ANKS1B: variants seen among roughly 807,000 people sequenced by gnomAD.
ANKS1B encodes the protein ankyrin repeat and sterile alpha motif domain containing 1B, also known as ankyrin repeat and sterile alpha motif domain-containing protein 1B.
Under a neutral mutation model 148.3 loss-of-function variants are expected in ANKS1B, and 36 were observed. The observed-to-expected ratio is 0.24, with a 90% CI of 0.19 to 0.32. The LOEUF (loss-of-function observed/expected upper bound fraction) is 0.32, where lower values mean the gene tolerates loss of function less well. Among genes scored for constraint, ANKS1B ranks in the 10% least tolerant of loss-of-function variants. The probability of loss-of-function intolerance (pLI) is 1.00; values close to 1 mark genes in which losing one functional copy is unlikely to be tolerated. For synonymous variants in ANKS1B, 542 were observed against 560.8 expected (o/e 0.97, Z 0.47); for missense variants, 1,157 against 1,542.6 (o/e 0.75, Z 4.19).
intron 12 of ANKS1B, among the ~76,000 whole-genome samples, chr12:99,276,715 T>TA (rs1290399074): frequency 1.3e-5 from 2 of 152,178 alleles, no homozygotes; most frequent in African/African-American, 4.8e-5. Flanking sequence ...GTAAGGATAA[T>TA]AAAACCTTCT....
intron 8 of ANKS1B, among the ~76,000 whole-genome samples, chr12:99,657,391 A>G (rs1259486335): frequency 1.3e-5 from 2 of 152,168 alleles, no homozygotes; most frequent in Non-Finnish European, 2.9e-5. Flanking sequence ...ACTGATGTAA[A>G]TAATTGCAGT....
chr12:99,312,445 T>C (rs760201043), intron 12 of ANKS1B, among the ~76,000 whole-genome samples: 1 of 152,182 alleles, frequency 6.6e-6, no homozygotes, highest in Non-Finnish European at 1.5e-5. Flanking sequence ...AAACAGTCTC[T>C]TTTTAGAAGA....
At chr12:99,124,866 T>C (rs2063862424) in intron 15 of ANKS1B, among the ~76,000 whole-genome samples, 3 of 152,170 alleles carry the variant, frequency 2.0e-5, no homozygotes, top group Non-Finnish European at 4.4e-5. Flanking sequence ...TGATAGGTCA[T>C]ATAAAATGAG....
chr12:99,101,807 C>T (rs1374568964), intron 15 of ANKS1B, among the ~76,000 whole-genome samples: 2 of 152,158 alleles, frequency 1.3e-5, no homozygotes, highest in South Asian at 4.1e-4. Context: ...GGTGATCCAC[C>T]CACCTCAGCC....
intron 17 of ANKS1B, among the ~76,000 whole-genome samples, chr12:99,048,551 T>C (rs2099963916): frequency 6.6e-6 from 1 of 152,196 alleles, no homozygotes; most frequent in South Asian, 2.1e-4. Context: ...ATTAAATGCA[T>C]TTTATTTGTA....
intron 16 of ANKS1B, among the ~76,000 whole-genome samples, chr12:99,064,012 C>T (rs930380927): frequency 7.2e-5 from 11 of 152,204 alleles, no homozygotes; most frequent in Non-Finnish European, 8.8e-5. Flanking sequence ...GATGTCACTA[C>T]GAACTCACAG....
At chr12:98,940,303 C>A (rs577083285) in intron 17 of ANKS1B, among the ~76,000 whole-genome samples, 3 of 152,134 alleles carry the variant, frequency 2.0e-5, no homozygotes, top group African/African-American at 7.2e-5. Context: ...GGGAGCCTGA[C>A]CTTGGGTCAC....
chr12:99,660,728 C>T (rs949758464), intron 8 of ANKS1B, among the ~76,000 whole-genome samples: 1 of 152,032 alleles, frequency 6.6e-6, no homozygotes, highest in Non-Finnish European at 1.5e-5. Context: ...AATGTTTTTT[C>T]ATATGAGAAT....
At chr12:99,975,730 A>G (rs1189666248) in intron 1 of ANKS1B, among the ~76,000 whole-genome samples, 1 of 152,192 alleles carries the variant, frequency 6.6e-6, no homozygotes, top group African/African-American at 2.4e-5. Flanking sequence ...TTTGTCAGAT[A>G]CACAGATTGC....
intron 14 of ANKS1B, among the ~76,000 whole-genome samples, chr12:99,172,031 A>G (rs1452862108): frequency 6.6e-6 from 1 of 152,202 alleles, no homozygotes; most frequent in African/African-American, 2.4e-5. Flanking sequence ...GCTTGGATAG[A>G]GAGCTTATAG....
intron 14 of ANKS1B, among the ~76,000 whole-genome samples, chr12:99,180,626 GTTTTTTT>G (rs11415606): frequency 7.9e-6 from 1 of 126,042 alleles, no homozygotes; most frequent in Non-Finnish European, 1.7e-5. Flanking sequence ...GAGGGAAAGG[GTTTTTTT>G]TTTTTTTTTT....
chr12:99,379,031 G>C (rs1404333204), intron 12 of ANKS1B, among the ~76,000 whole-genome samples: 1 of 152,144 alleles, frequency 6.6e-6, no homozygotes. Context: ...TGGATATGTG[G>C]GAGGCACCAA....
intron 9 of ANKS1B, among the ~76,000 whole-genome samples, chr12:99,608,875 G>C (rs775165486): frequency 2.1e-4 from 32 of 152,018 alleles, no homozygotes; most frequent in Non-Finnish European, 4.1e-4. Flanking sequence ...ATGGAGGAGG[G>C]AAGGAGTTGA....
At chr12:99,834,799 T>C (rs1310831567) in intron 1 of ANKS1B, among the ~76,000 whole-genome samples, 1 of 152,176 alleles carries the variant, frequency 6.6e-6, no homozygotes, top group Non-Finnish European at 1.5e-5. Context: ...ATCTGACCCC[T>C]GACACATGAG....
intron 9 of ANKS1B, among the ~76,000 whole-genome samples, chr12:99,566,990 C>A (rs146929103): frequency 8.0e-4 from 122 of 152,246 alleles, no homozygotes; most frequent in African/African-American, 2.7e-3. Context: ...TGGCTTAAAA[C>A]AACACTCAGT....
intron 16 of ANKS1B, among the ~76,000 whole-genome samples, chr12:99,082,149 A>G (rs1401025289): frequency 6.6e-6 from 1 of 152,206 alleles, no homozygotes; most frequent in Non-Finnish European, 1.5e-5. Flanking sequence ...AGAAAAGAGA[A>G]TAAGACAGTC....
exon 10 of ANKS1B, chr12:98,735,231 C>G (rs760417324): frequency 4.0e-5 from 16 of 398,822 alleles, no homozygotes; most frequent in Non-Finnish European, 5.7e-5. Flanking sequence ...AAAGCATTTT[C>G]CCTTGCTGTA....
At chr12:99,575,504 G>T (rs1228916870) in intron 9 of ANKS1B, among the ~76,000 whole-genome samples, 4 of 152,086 alleles carry the variant, frequency 2.6e-5, no homozygotes, top group Non-Finnish European at 4.4e-5. Flanking sequence ...TTGACTCATG[G>T]ATCCACATGG....
intron 12 of ANKS1B, among the ~76,000 whole-genome samples, chr12:99,383,322 G>T (rs985647160): frequency 1.3e-5 from 2 of 152,198 alleles, no homozygotes; most frequent in Admixed American, 6.5e-5. Flanking sequence ...TTACCCTGTG[G>T]TTAGGCTTAT....
Sources: gnomAD v4.1 joint callset for allele counts (sites outside exome capture counted in the v4.1 genomes callset) on GRCh38, gnomAD v4.1.1 for gene constraint, MANE v1.5 for transcripts, NCBI Gene and HGNC (gene_info 2026-07-23, HGNC 2026-07-21) for gene names.